The following STX8 variants were observed in gnomAD, a reference collection of about 807,000 sequenced individuals.
STX8 encodes the protein syntaxin 8.
STX8 carries 23 observed loss-of-function variants against 37.5 expected under a neutral mutation model. That is an observed-to-expected ratio of 0.61 (90% CI 0.44 to 0.87). The LOEUF is 0.87. STX8 is among the 40% of genes least tolerant of loss of function. The pLI, the probability that STX8 is intolerant of heterozygous loss-of-function variation, is 0.00. For missense variants in STX8, 313 were observed against 284.7 expected (o/e 1.10, Z -0.71); for synonymous variants, 115 against 99.1 (o/e 1.16, Z -0.95).
chr17:9,506,607 G>A (rs528737717), intron 4 of STX8, among the ~76,000 whole-genome samples: 3 of 152,208 alleles, frequency 2.0e-5, no homozygotes, highest in South Asian at 4.2e-4. Flanking sequence ...GAGGAGGCCT[G>A]GACATATGAA....
intron 6 of STX8, among the ~76,000 whole-genome samples, chr17:9,383,603 C>T (rs576955341): frequency 6.6e-6 from 1 of 152,248 alleles, no homozygotes; most frequent in Admixed American, 6.5e-5. Flanking sequence ...ATCTGTTGAA[C>T]ATTTTATTAG....
chr17:9,469,573 A>G (rs938783799), intron 6 of STX8, among the ~76,000 whole-genome samples: 12 of 152,210 alleles, frequency 7.9e-5, no homozygotes, highest in South Asian at 2.1e-4. Flanking sequence ...CATCCTAAAT[A>G]TATCTCCCAT....
At chr17:9,322,486 G>T (rs1422413955) in intron 7 of STX8, among the ~76,000 whole-genome samples, 3 of 152,170 alleles carry the variant, frequency 2.0e-5, no homozygotes, top group Non-Finnish European at 2.9e-5. Context: ...CCCAGCAGGG[G>T]ACGCTGAGCA....
At chr17:9,264,889 G>T (rs1907177175) in intron 7 of STX8, among the ~76,000 whole-genome samples, 1 of 152,062 alleles carries the variant, frequency 6.6e-6, no homozygotes, top group South Asian at 2.1e-4. Context: ...TGAGGTGGGA[G>T]GATCTCTTGG....
At chr17:9,362,789 T>A (rs373115232) in intron 7 of STX8, among the ~76,000 whole-genome samples, 1,579 of 144,362 alleles carry the variant, frequency 0.011, 32 homozygotes, top group African/African-American at 0.038. Context: ...GCCACTGCAC[T>A]CCAGCCTGGA....
At chr17:9,491,027 G>A (rs1237591573) in intron 6 of STX8, among the ~76,000 whole-genome samples, 2 of 152,198 alleles carry the variant, frequency 1.3e-5, no homozygotes, top group Non-Finnish European at 2.9e-5. Flanking sequence ...ACTCCACGCT[G>A]TCACACGTCA....
intron 6 of STX8, among the ~76,000 whole-genome samples, chr17:9,458,939 C>A (rs1206134064): frequency 6.6e-6 from 1 of 151,510 alleles, no homozygotes; most frequent in Non-Finnish European, 1.5e-5. Context: ...ACGCCATTCT[C>A]CTGCCTCAAC....
chr17:9,451,029 C>G (rs1190089448), intron 6 of STX8, among the ~76,000 whole-genome samples: 1 of 152,156 alleles, frequency 6.6e-6, no homozygotes, highest in Non-Finnish European at 1.5e-5. Flanking sequence ...TTACTTATAT[C>G]ACTTCCTCAC....
At chr17:9,424,602 C>T (rs1173665731) in intron 6 of STX8, among the ~76,000 whole-genome samples, 2 of 152,116 alleles carry the variant, frequency 1.3e-5, no homozygotes, top group Non-Finnish European at 2.9e-5. Context: ...TTTCCAGATC[C>T]TTATTCCTCT....
At chr17:9,253,243 T>A (rs1006593350) in intron 7 of STX8, among the ~76,000 whole-genome samples, 18 of 151,186 alleles carry the variant, frequency 1.2e-4, no homozygotes, top group African/African-American at 4.4e-4. Flanking sequence ...TGTGTGTGTG[T>A]GAATATCTTA....
intron 4 of STX8, 76 bp downstream of exon 4, chr17:9,545,096 C>A: frequency 1.2e-6 from 1 of 841,696 alleles, no homozygotes; most frequent in Non-Finnish European, 2.0e-6. Flanking sequence ...TAAAGTAAGC[C>A]ATTCAGGAAA....
chr17:9,300,352 AG>A (rs1487123498), intron 7 of STX8, among the ~76,000 whole-genome samples: 147 of 149,864 alleles, frequency 9.8e-4, no homozygotes, highest in Non-Finnish European at 1.8e-3. Context: ...AAAAAAAGAA[AG>A]AAAGAAAGAA....
chr17:9,385,026 A>T (rs979491573), intron 6 of STX8, among the ~76,000 whole-genome samples: 1 of 152,086 alleles, frequency 6.6e-6, no homozygotes, highest in Non-Finnish European at 1.5e-5. Flanking sequence ...GAAAAAAAAA[A>T]AAGAGAGAAA....
At chr17:9,396,242 A>T (rs1344142010) in intron 6 of STX8, among the ~76,000 whole-genome samples, 2 of 152,018 alleles carry the variant, frequency 1.3e-5, no homozygotes, top group Non-Finnish European at 2.9e-5. Flanking sequence ...GGTACAATAT[A>T]TTGTATGATT....
intron 7 of STX8, among the ~76,000 whole-genome samples, chr17:9,362,944 G>GTT (rs1385721703): frequency 6.6e-6 from 1 of 151,996 alleles, no homozygotes; most frequent in Non-Finnish European, 1.5e-5. Flanking sequence ...ACACACTGAA[G>GTT]GTAAAAGTCT....
At chr17:9,312,085 T>C (rs1909211476) in intron 7 of STX8, among the ~76,000 whole-genome samples, 1 of 152,116 alleles carries the variant, frequency 6.6e-6, no homozygotes, top group African/African-American at 2.4e-5. Flanking sequence ...GACCTTGTGA[T>C]TTGCCTGCCT....
chr17:9,360,716 G>A (rs931410510), intron 7 of STX8, among the ~76,000 whole-genome samples: 2 of 146,986 alleles, frequency 1.4e-5, no homozygotes, highest in South Asian at 2.2e-4. Flanking sequence ...TGAAAGCAAC[G>A]ACCGTTTTAA....
intron 6 of STX8, among the ~76,000 whole-genome samples, chr17:9,409,901 G>A (rs989160330): frequency 1.3e-5 from 2 of 152,190 alleles, no homozygotes; most frequent in Middle Eastern, 3.4e-3. Context: ...GTTAATCATC[G>A]GAACATCTAT....
rs1439733416 is a variant in STX8 at position 9,312,352 on chromosome 17, C to T, written c.644-61707G>A. Among the ~76,000 whole-genome samples, 5 of 152,176 alleles carry T rather than the reference C, an allele frequency of 3.3e-5. No individual in the cohort carries two copies. The South Asian group carries it at 8.3e-4, about 25-fold the overall frequency. ...GAGTAGCTGGGATTACAGGCATGCG[C>T]CACCACGCCCAGCTAATTTTGTATT... On this transcript the variant is annotated intron_variant, in intron 7 of 7. Transcript: ENST00000306357.
Sources: allele counts gnomAD v4.1 joint callset (sites outside exome capture counted in the v4.1 genomes callset), GRCh38; gene constraint gnomAD v4.1.1; transcripts MANE v1.5; gene names NCBI Gene and HGNC (gene_info 2026-07-23, HGNC 2026-07-21).